CSMD1: variants seen among roughly 807,000 people sequenced by gnomAD.
CSMD1 encodes CUB and sushi domain-containing protein 1.
In CSMD1, 213 loss-of-function variants were observed where a neutral mutation model predicts 417.5. The observed-to-expected ratio is 0.51, with a 90% CI of 0.46 to 0.57. The LOEUF (loss-of-function observed/expected upper bound fraction) is 0.57, where lower values mean the gene tolerates loss of function less well. Among genes scored for constraint, CSMD1 ranks in the 20% least tolerant of loss-of-function variants. CSMD1 has a pLI of 0.00. For missense variants in CSMD1, 6,923 were observed against 4,529.7 expected (o/e 1.53, Z -15.17); for synonymous variants, 2,862 against 1,736.8 (o/e 1.65, Z -16.11).
At chr8:4,438,719 C>T (rs144167606) in intron 2 of CSMD1, among the ~76,000 whole-genome samples, 2 of 152,216 alleles carry the variant, frequency 1.3e-5, no homozygotes. Flanking sequence ...TTGAGATTAC[C>T]TGCAGTTACC....
intron 7 of CSMD1, among the ~76,000 whole-genome samples, chr8:3,635,074 A>G (rs1490621603): frequency 6.6e-6 from 1 of 152,192 alleles, no homozygotes; most frequent in East Asian, 1.9e-4. Flanking sequence ...ATGCCTATAT[A>G]AGATACTTAC....
intron 5 of CSMD1, among the ~76,000 whole-genome samples, chr8:3,875,176 C>T (rs748651381): frequency 1.2e-4 from 18 of 152,052 alleles, no homozygotes; most frequent in Non-Finnish European, 2.2e-4. Flanking sequence ...TGGACTGTAG[C>T]GCAGTGGGGA....
intron 2 of CSMD1, among the ~76,000 whole-genome samples, chr8:4,471,744 G>C (rs541358220): frequency 6.6e-6 from 1 of 151,826 alleles, no homozygotes; most frequent in Non-Finnish European, 1.5e-5. Context: ...GAGAAAAGAA[G>C]TTAGACCCAT....
chr8:3,851,885 T>C (rs2129100386), intron 5 of CSMD1, among the ~76,000 whole-genome samples: 2 of 152,130 alleles, frequency 1.3e-5, no homozygotes, highest in South Asian at 2.1e-4. Flanking sequence ...GTGGGCTCCA[T>C]GGATCAGAGA....
chr8:3,546,954 T>C (rs922726212), intron 10 of CSMD1, among the ~76,000 whole-genome samples: 2 of 152,212 alleles, frequency 1.3e-5, no homozygotes, highest in Non-Finnish European at 2.9e-5. Context: ...TTGAGCTGTT[T>C]TGAAAACCTC....
At chr8:3,093,621 T>C (rs1170508450) in intron 47 of CSMD1, among the ~76,000 whole-genome samples, 8 of 151,918 alleles carry the variant, frequency 5.3e-5, no homozygotes, top group African/African-American at 1.7e-4. Flanking sequence ...TGAGCTGAGG[T>C]TGTGCCATTG....
At chr8:4,667,448 A>T (rs1457047052) in intron 1 of CSMD1, among the ~76,000 whole-genome samples, 1 of 152,166 alleles carries the variant, frequency 6.6e-6, no homozygotes, top group Non-Finnish European at 1.5e-5. Flanking sequence ...TAGAAAAAAA[A>T]AAAGAAACTG....
intron 7 of CSMD1, among the ~76,000 whole-genome samples, chr8:3,622,378 C>T (rs963566287): frequency 1.3e-5 from 2 of 152,144 alleles, no homozygotes; most frequent in Non-Finnish European, 2.9e-5. Context: ...ATGCACTTTT[C>T]CACAATACCC....
intron 2 of CSMD1, among the ~76,000 whole-genome samples, chr8:4,494,384 T>C (rs1801874857): frequency 6.6e-6 from 1 of 152,186 alleles, no homozygotes; most frequent in African/African-American, 2.4e-5. Context: ...GAAATATGAA[T>C]AGATTTTCTA....
intron 2 of CSMD1, among the ~76,000 whole-genome samples, chr8:4,588,494 G>A (rs185230453): frequency 1.1e-4 from 16 of 151,916 alleles, no homozygotes; most frequent in African/African-American, 1.7e-4. Flanking sequence ...TTTCTTTCCT[G>A]TTTAAGAAAC....
At chr8:4,332,715 G>C (rs1196462716) in intron 3 of CSMD1, among the ~76,000 whole-genome samples, 7 of 151,806 alleles carry the variant, frequency 4.6e-5, no homozygotes, top group East Asian at 1.9e-4. Context: ...AAAGTATTAA[G>C]TACTTTTTCA....
At chr8:3,772,851 G>T (rs1481430904) in intron 5 of CSMD1, among the ~76,000 whole-genome samples, 1 of 151,888 alleles carries the variant, frequency 6.6e-6, no homozygotes, top group Non-Finnish European at 1.5e-5. Context: ...CCCCTCCTCT[G>T]CACCACATCC....
intron 11 of CSMD1, among the ~76,000 whole-genome samples, chr8:3,486,397 A>C (rs968266783): frequency 1.3e-5 from 2 of 152,340 alleles, no homozygotes; most frequent in East Asian, 1.9e-4. Flanking sequence ...ATCTCCCCAA[A>C]ATAGTAGCAT....
chr8:4,316,042 C>T (rs1333005829), intron 3 of CSMD1, among the ~76,000 whole-genome samples: 6 of 151,740 alleles, frequency 4.0e-5, no homozygotes, highest in Non-Finnish European at 8.8e-5. Context: ...GAAAATATCC[C>T]ACTGAGAAAT....
At chr8:2,991,603 AT>A (rs1341922980) in intron 54 of CSMD1, among the ~76,000 whole-genome samples, 4 of 152,228 alleles carry the variant, frequency 2.6e-5, no homozygotes. Context: ...ATGAGCAAAC[AT>A]TTTTGAAAGT....
intron 15 of CSMD1, among the ~76,000 whole-genome samples, chr8:3,403,012 T>G (rs1178231): frequency 0.39 from 59,058 of 151,996 alleles, 11,884 homozygotes; most frequent in East Asian, 0.7. Flanking sequence ...CATTAAGGTT[T>G]GAGTTTCTCT....
At chr8:3,898,890 T>A (rs948716570) in intron 5 of CSMD1, among the ~76,000 whole-genome samples, 1 of 152,198 alleles carries the variant, frequency 6.6e-6, no homozygotes, top group Admixed American at 6.5e-5. Context: ...CCTTAGGGGT[T>A]ACAGTCATTT....
rs191790645 is a variant in CSMD1 at position 3,079,487 on chromosome 8, A to G, written c.7474+7610T>C. ...AGGAGAAGATTGATAATGAAATAGA[A>G]GCAAATAGATATGCATATAAAAAAA... On this transcript the variant is annotated intron_variant, in intron 49 of 69. Transcript: ENST00000635120. Among the ~76,000 whole-genome samples, 259 of 152,360 alleles carry G rather than the reference A, an allele frequency of 1.7e-3. 1 individual carries two copies. The highest frequency in any genetic ancestry group is 3.1e-3 in the Non-Finnish European group (212 of 68,036).
At chr8:3,744,436 C>T (rs1290991779) in intron 6 of CSMD1, among the ~76,000 whole-genome samples, 1 of 151,848 alleles carries the variant, frequency 6.6e-6, no homozygotes, top group Non-Finnish European at 1.5e-5. Flanking sequence ...AGATTTTAAC[C>T]AGGAAAAAAG....
Sources: gnomAD v4.1 joint callset for allele counts (sites outside exome capture counted in the v4.1 genomes callset) on GRCh38, gnomAD v4.1.1 for gene constraint, MANE v1.5 for transcripts, NCBI Gene and HGNC (gene_info 2026-07-23, HGNC 2026-07-21) for gene names.